The following EPHA3 variants were observed in gnomAD, a reference collection of about 807,000 sequenced individuals.
EPHA3 encodes ephrin type-A receptor 3.
EPHA3 carries 42 observed loss-of-function variants against 107.1 expected under a neutral mutation model. The observed-to-expected ratio is 0.39, with a 90% CI of 0.31 to 0.51. The LOEUF is 0.51. EPHA3 is among the 20% of genes least tolerant of loss of function. EPHA3 has a pLI of 0.78. For missense variants in EPHA3, 1,183 were observed against 1,211.2 expected (o/e 0.98, Z 0.35); for synonymous variants, 461 against 424.8 (o/e 1.09, Z -1.05).
intron 5 of EPHA3, among the ~76,000 whole-genome samples, chr3:89,381,608 G>T (rs542484472): frequency 5.3e-4 from 80 of 152,030 alleles, no homozygotes; most frequent in Non-Finnish European, 7.8e-4. Context: ...GGCAGAGGTT[G>T]CAATGAGCCA....
At chr3:89,114,638 T>G (rs976703097) in intron 1 of EPHA3, among the ~76,000 whole-genome samples, 2 of 152,190 alleles carry the variant, frequency 1.3e-5, no homozygotes, top group African/African-American at 2.4e-5. Flanking sequence ...GAGCGCAGCC[T>G]GATGCTCTTT....
chr3:89,206,577 G>A (rs1706111796), intron 2 of EPHA3, among the ~76,000 whole-genome samples: 1 of 152,118 alleles, frequency 6.6e-6, no homozygotes, highest in African/African-American at 2.4e-5. Context: ...TAGAACCAAG[G>A]TAATGTTACT....
intron 13 of EPHA3, among the ~76,000 whole-genome samples, chr3:89,443,064 A>G (rs549508663): frequency 1.3e-5 from 2 of 152,346 alleles, no homozygotes; most frequent in South Asian, 2.1e-4. Context: ...TAGTCAGTAT[A>G]TAAGTCTTAC....
At position 89,351,218 on chromosome 3, in the gene EPHA3, C is replaced by G. The variant is rs995046391; in HGVS notation, c.1306+9128C>G. Among the ~76,000 whole-genome samples the G allele has an allele frequency of 2.0e-5, 3 of 151,214 alleles. 1 individual carries two copies. Among genetic ancestry groups the G allele is most frequent in the African/African-American group, 7.3e-5 (3 of 41,358 alleles). On this transcript the variant is annotated intron_variant, in intron 5 of 16. Coordinates refer to ENST00000336596, the MANE Select transcript of EPHA3 (RefSeq NM_005233.6). Reference sequence around the variant, plus strand: ...ATGGCGGGCGCCCCTCCCCCAGCCTCGCTGCTGCCTTGCAGTTTGATCTCA... The same window carrying G: ...ATGGCGGGCGCCCCTCCCCCAGCCTGGCTGCTGCCTTGCAGTTTGATCTCA...
chr3:89,219,959 C>T (rs1576241279), intron 3 of EPHA3, among the ~76,000 whole-genome samples: 1 of 149,994 alleles, frequency 6.7e-6, no homozygotes, highest in African/African-American at 2.5e-5. Context: ...CCGCCCGCCT[C>T]GGCCTCCCAA....
chr3:89,445,398 T>C (rs972525617), intron 13 of EPHA3, among the ~76,000 whole-genome samples: 21 of 152,258 alleles, frequency 1.4e-4, no homozygotes, highest in African/African-American at 5.1e-4. Flanking sequence ...GAGTTTTTCA[T>C]TAAAAATAAA....
intron 10 of EPHA3, among the ~76,000 whole-genome samples, chr3:89,416,415 C>T (rs573234510): frequency 6.6e-6 from 1 of 151,274 alleles, no homozygotes; most frequent in African/African-American, 2.4e-5. Flanking sequence ...ATTGCATTTG[C>T]CCAGTCTTTG....
intron 3 of EPHA3, among the ~76,000 whole-genome samples, chr3:89,328,808 G>C (rs1275906591): frequency 6.6e-6 from 1 of 152,080 alleles, no homozygotes; most frequent in African/African-American, 2.4e-5. Flanking sequence ...TAAAACACAG[G>C]TGCAATGCTA....
intron 3 of EPHA3, among the ~76,000 whole-genome samples, chr3:89,221,369 G>C (rs6801565): frequency 0.014 from 2,169 of 152,196 alleles, 44 homozygotes; most frequent in African/African-American, 0.047. Context: ...ATCGTATCTT[G>C]TTTGCATTCC....
At chr3:89,385,182 C>A (rs770684192) in intron 5 of EPHA3, among the ~76,000 whole-genome samples, 4 of 152,046 alleles carry the variant, frequency 2.6e-5, no homozygotes, top group Non-Finnish European at 4.4e-5. Context: ...GTATTATTTC[C>A]TACCAACATA....
At chr3:89,314,136 G>C (rs551784963) in intron 3 of EPHA3, among the ~76,000 whole-genome samples, 15 of 151,972 alleles carry the variant, frequency 9.9e-5, no homozygotes, top group Admixed American at 6.6e-4. Context: ...AGTCAAATAT[G>C]TTTTGAGAGG....
chr3:89,157,740 A>G (rs1576191507), intron 2 of EPHA3, among the ~76,000 whole-genome samples: 1 of 152,020 alleles, frequency 6.6e-6, no homozygotes, highest in South Asian at 2.1e-4. Flanking sequence ...AGTTGCTTCT[A>G]CATGTCTCTG....
At chr3:89,338,089 T>C (rs1436336304) in intron 3 of EPHA3, among the ~76,000 whole-genome samples, 1 of 152,232 alleles carries the variant, frequency 6.6e-6, no homozygotes, top group Non-Finnish European at 1.5e-5. Context: ...GACTTCTGTG[T>C]ACATTTCTTT....
rs76905803 is a variant in EPHA3 at position 89,480,375 on chromosome 3, T to C, written c.*873T>C. 0.064 allele frequency: 14,970 copies of C among 233,204 alleles called. 527 individuals carry two copies. Among genetic ancestry groups the C allele is most frequent in the African/African-American group, 0.11 (5,142 of 45,432 alleles). The allele number at this position is 233,204 out of a possible 1,614,324, so 14.4% of individuals were successfully genotyped here. On this transcript the variant is annotated 3_prime_UTR_variant, in exon 17 of 17. Transcript: ENST00000336596. ...TCTCTCAAATCTGTTATCCCAATCA[T>C]TGTTGCCTCTCCGTTTATTATAAAC...
intron 2 of EPHA3, among the ~76,000 whole-genome samples, chr3:89,132,416 A>G (rs1353380072): frequency 2.0e-5 from 3 of 152,312 alleles, no homozygotes; most frequent in South Asian, 4.1e-4. Flanking sequence ...GCATAATTGT[A>G]TATTATAGTG....
intron 6 of EPHA3, among the ~76,000 whole-genome samples, chr3:89,397,548 ACTCCCT>A (rs1708874463): frequency 1.3e-5 from 2 of 151,348 alleles, no homozygotes; most frequent in Non-Finnish European, 2.9e-5. Context: ...CTTATTTCAA[ACTCCCT>A]CAACAAATGC....
intron 2 of EPHA3, among the ~76,000 whole-genome samples, chr3:89,174,439 G>A (rs879816642): frequency 3.4e-4 from 52 of 151,900 alleles, no homozygotes; most frequent in Non-Finnish European, 4.6e-4. Flanking sequence ...CATACAATGA[G>A]CTTATTATCT....
chr3:89,310,002 A>G (rs1459395300), intron 3 of EPHA3, among the ~76,000 whole-genome samples: 1 of 152,040 alleles, frequency 6.6e-6, no homozygotes, highest in African/African-American at 2.4e-5. Flanking sequence ...CTCAGAATTA[A>G]GATTCTTATA....
At chr3:89,444,133 C>T (rs7616322) in intron 13 of EPHA3, among the ~76,000 whole-genome samples, 42,819 of 151,916 alleles carry the variant, frequency 0.28, 6,611 homozygotes, top group African/African-American at 0.39. Flanking sequence ...GTTAATACTC[C>T]TTATCTTCAG....
Sources: allele counts gnomAD v4.1 joint callset (sites outside exome capture counted in the v4.1 genomes callset), GRCh38; gene constraint gnomAD v4.1.1; transcripts MANE v1.5; gene names NCBI Gene and HGNC (gene_info 2026-07-23, HGNC 2026-07-21).